PLOD2: variants seen among roughly 807,000 people sequenced by gnomAD.
The protein encoded by PLOD2 is lysine hydroxylase 2.
A neutral mutation model predicts 101.0 loss-of-function variants in PLOD2; 65 were observed. That is an observed-to-expected ratio of 0.64 (90% CI 0.53 to 0.79). The LOEUF is 0.79. Among genes scored for constraint, PLOD2 ranks in the 30% least tolerant of loss-of-function variants. The pLI is 0.00. For missense variants in PLOD2, 909 were observed against 914.6 expected (o/e 0.99, Z 0.08); for synonymous variants, 314 against 302.9 (o/e 1.04, Z -0.38).
intron 1 of PLOD2, among the ~76,000 whole-genome samples, chr3:146,156,643 C>A (rs1559876821): frequency 6.6e-6 from 1 of 152,262 alleles, no homozygotes; most frequent in Non-Finnish European, 1.5e-5. Context: ...GCCCAGTTTT[C>A]CTTCAGCCTG....
chr3:146,092,511 G>A (rs1346532500), intron 7 of PLOD2, among the ~76,000 whole-genome samples: 1 of 151,998 alleles, frequency 6.6e-6, no homozygotes, highest in Non-Finnish European at 1.5e-5. Context: ...ACAGATCTAG[G>A]GCAACCACTA....
chr3:146,130,985 T>G (rs1302816262), intron 1 of PLOD2, among the ~76,000 whole-genome samples: 1 of 152,186 alleles, frequency 6.6e-6, no homozygotes, highest in Non-Finnish European at 1.5e-5. Context: ...TGTGGCTAAA[T>G]TATACAAACA....
chr3:146,088,361 T>A (rs1375460722), intron 9 of PLOD2, among the ~76,000 whole-genome samples: 1 of 151,640 alleles, frequency 6.6e-6, no homozygotes, highest in Non-Finnish European at 1.5e-5. Flanking sequence ...TATTCAGCCA[T>A]TTTTGATCTA....
chr3:146,080,084 C>T (rs1226497165), intron 12 of PLOD2, among the ~76,000 whole-genome samples: 6 of 151,768 alleles, frequency 4.0e-5, no homozygotes, highest in South Asian at 2.1e-4. Flanking sequence ...TAGATATTAA[C>T]GGAAATATGA....
chr3:146,130,032 A>C (rs2030816866), intron 1 of PLOD2, among the ~76,000 whole-genome samples: 1 of 152,122 alleles, frequency 6.6e-6, no homozygotes, highest in African/African-American at 2.4e-5. Context: ...GATAGTAGAG[A>C]AACTCCATTA....
At chr3:146,078,992 C>CA in intron 13 of PLOD2, 124 bp downstream of exon 13, 1 of 912,860 alleles carries the variant, frequency 1.1e-6, no homozygotes, top group Non-Finnish European at 1.8e-6. Flanking sequence ...AACACAGAAC[C>CA]AAAAAAATTG....
chr3:146,139,498 C>T (rs1178198274), intron 1 of PLOD2, among the ~76,000 whole-genome samples: 2 of 152,072 alleles, frequency 1.3e-5, no homozygotes, highest in African/African-American at 4.8e-5. Context: ...AAATGCTCAC[C>T]CCGGTAGCGT....
intron 7 of PLOD2, among the ~76,000 whole-genome samples, chr3:146,097,188 C>T (rs1366122704): frequency 6.0e-5 from 9 of 150,282 alleles, no homozygotes; most frequent in Non-Finnish European, 1.2e-4. Context: ...GGGGTCAGCC[C>T]CCCGCCCGGC....
At chr3:146,111,758 A>G (rs1937642663) in intron 3 of PLOD2, among the ~76,000 whole-genome samples, 1 of 152,108 alleles carries the variant, frequency 6.6e-6, no homozygotes, top group Non-Finnish European at 1.5e-5. Context: ...TACAAAACAC[A>G]ACACTGTACT....
At chr3:146,099,165 A>G (rs1184957484) in intron 7 of PLOD2, among the ~76,000 whole-genome samples, 1 of 152,220 alleles carries the variant, frequency 6.6e-6, no homozygotes, top group Admixed American at 6.5e-5. Context: ...AAACAGTGAT[A>G]GTGCAAACTG....
At chr3:146,098,899 G>C (rs1288315464) in intron 7 of PLOD2, among the ~76,000 whole-genome samples, 1 of 151,978 alleles carries the variant, frequency 6.6e-6, no homozygotes, top group Non-Finnish European at 1.5e-5. Context: ...GTAATAATCA[G>C]CCTTCTTTCC....
chr3:146,124,068 A>T lies in PLOD2; in HGVS notation c.201+70T>A, dbSNP rs2030384520. 3.7e-6 allele frequency: 3 copies of T among 815,148 alleles called. No individual in the cohort carries two copies. The Admixed American group carries it at 5.2e-5, about 14-fold the overall frequency. The allele number at this position is 815,148 out of a possible 1,614,324, so 50.5% of individuals were successfully genotyped here. On this transcript the variant is annotated intron_variant, in intron 2 of 19. Transcript: ENST00000282903. ...CTTCCTTGTGAGGATTACAGATTGT[A>T]CTGCTGTTATGAAAAACATACTTTA...
chr3:146,123,557 T>C (rs190692409), intron 2 of PLOD2, among the ~76,000 whole-genome samples: 9 of 152,096 alleles, frequency 5.9e-5, no homozygotes, highest in Admixed American at 3.9e-4. Flanking sequence ...TTCTCAATAA[T>C]AGACAGAAAA....
chr3:146,103,415 T>G (rs1232197600), intron 6 of PLOD2, among the ~76,000 whole-genome samples: 1 of 151,960 alleles, frequency 6.6e-6, no homozygotes, highest in Non-Finnish European at 1.5e-5. Context: ...GCCATCGTCT[T>G]AAAATTTCCT....
intron 1 of PLOD2, among the ~76,000 whole-genome samples, chr3:146,138,203 T>G (rs1037512174): frequency 1.8e-4 from 28 of 152,068 alleles, no homozygotes; most frequent in African/African-American, 5.8e-4. Flanking sequence ...CCAGGTGCCA[T>G]AAGTTCACTA....
At chr3:146,125,908 T>C (rs2030533777) in intron 1 of PLOD2, among the ~76,000 whole-genome samples, 1 of 152,214 alleles carries the variant, frequency 6.6e-6, no homozygotes, top group South Asian at 2.1e-4. Context: ...TTTTAAAGTC[T>C]ATCTGTAATA....
intron 8 of PLOD2, 179 bp from the exon 9 acceptor site, chr3:146,088,890 C>G (rs1209894826): frequency 1.2e-5 from 7 of 580,922 alleles, no homozygotes; most frequent in Admixed American, 9.2e-5. Flanking sequence ...TTTGTGGCCC[C>G]CCCAATCAAA....
intron 1 of PLOD2, among the ~76,000 whole-genome samples, chr3:146,135,467 A>G (rs2031176488): frequency 6.6e-6 from 1 of 152,186 alleles, no homozygotes; most frequent in African/African-American, 2.4e-5. Flanking sequence ...GTAAGGAGGT[A>G]TCTTTTTATG....
intron 1 of PLOD2, among the ~76,000 whole-genome samples, chr3:146,145,077 G>A (rs946899608): frequency 6.6e-6 from 1 of 152,028 alleles, no homozygotes; most frequent in Admixed American, 6.6e-5. Context: ...TCTTATAGGA[G>A]CTCTGTCATT....
Sources: gnomAD v4.1 joint callset for allele counts (sites outside exome capture counted in the v4.1 genomes callset) on GRCh38, gnomAD v4.1.1 for gene constraint, MANE v1.5 for transcripts, NCBI Gene and HGNC (gene_info 2026-07-23, HGNC 2026-07-21) for gene names.